The following AGK variants were observed in gnomAD, a reference collection of about 807,000 sequenced individuals.
AGK encodes the protein acylglycerol kinase, mitochondrial.
In AGK, 52 loss-of-function variants were observed where a neutral mutation model predicts 66.4. That is an observed-to-expected ratio of 0.78 (90% confidence interval 0.63 to 0.99). The LOEUF (loss-of-function observed/expected upper bound fraction) is 0.99. Among genes scored for constraint, AGK ranks in the 50% least tolerant of loss-of-function variants. The pLI, the probability that AGK is intolerant of heterozygous loss-of-function variation, is 0.00. For missense variants in AGK, 451 were observed against 506.6 expected (o/e 0.89, Z 1.05); for synonymous variants, 182 against 181.1 (o/e 1.00, Z -0.04).
intron 2 of AGK, among the ~76,000 whole-genome samples, chr7:141,584,852 A>T (rs1475822724): frequency 2.0e-5 from 3 of 152,356 alleles, no homozygotes; most frequent in South Asian, 2.1e-4. Context: ...TCTAAGGGGC[A>T]TTGAAATGAA....
chr7:141,606,294 G>A (rs531767357), intron 5 of AGK, among the ~76,000 whole-genome samples: 10 of 152,210 alleles, frequency 6.6e-5, no homozygotes, highest in African/African-American at 2.2e-4. Flanking sequence ...AAACATTTCC[G>A]GTTTCTTTCC....
chr7:141,633,933 C>G lies in AGK; in HGVS notation c.621C>G (p.Thr207=), dbSNP rs140431258. Residue 207 remains threonine, a synonymous_variant, in exon 10 of 16, where the codon ACC becomes ACG. Transcript: ENST00000649286. The part of the protein sequence containing the change: ...GEKEQPVFAM[T]GLRWGSFRDA... ...AGGAACAGCCTGTATTTGCAATGAC[C>G]GGCCTTCGATGGGGATCTTTCAGAG... 1 of 1,613,924 alleles carries G rather than the reference C, an allele frequency of 6.2e-7. No homozygotes were observed. Among genetic ancestry groups the G allele is most frequent in the South Asian group, 1.1e-5 (1 of 91,070 alleles).
intron 13 of AGK, among the ~76,000 whole-genome samples, chr7:141,644,306 C>T (rs1797356095): frequency 6.6e-6 from 1 of 152,174 alleles, no homozygotes; most frequent in African/African-American, 2.4e-5. Context: ...TAGCCACACT[C>T]ACAATGCCAA....
At chr7:141,601,822 C>A (rs1046383977) in intron 5 of AGK, among the ~76,000 whole-genome samples, 2 of 152,160 alleles carry the variant, frequency 1.3e-5, no homozygotes, top group African/African-American at 4.8e-5. Flanking sequence ...TGGGTAAGTA[C>A]ATACATGTGT....
intron 2 of AGK, 94 bp from the exon 3 acceptor site, chr7:141,593,052 G>C (rs1796156447): frequency 2.0e-6 from 2 of 1,021,828 alleles, no homozygotes; most frequent in East Asian, 2.5e-5. Context: ...TTAGAGAAGA[G>C]GTGCCTATAT....
chr7:141,592,335 T>C (rs953406803), intron 2 of AGK, among the ~76,000 whole-genome samples: 2 of 152,220 alleles, frequency 1.3e-5, no homozygotes, highest in Non-Finnish European at 2.9e-5. Flanking sequence ...CTTGACTCTC[T>C]TCAGAGCCTT....
chr7:141,593,606 G>A (rs1236851329), intron 3 of AGK: 1 of 541,082 alleles, frequency 1.8e-6, no homozygotes, highest in Non-Finnish European at 3.3e-6. Flanking sequence ...TATTTTTAAA[G>A]CTCATCTCCA....
intron 4 of AGK, among the ~76,000 whole-genome samples, chr7:141,600,106 A>G (rs1254936136): frequency 6.6e-6 from 1 of 152,222 alleles, no homozygotes; most frequent in Admixed American, 6.5e-5. Context: ...TCTTGTATAA[A>G]GTATCCTTAA....
chr7:141,642,015 TAGAG>T (rs745693210), intron 13 of AGK, 107 bp downstream of exon 13: 3 of 990,954 alleles, frequency 3.0e-6, no homozygotes, highest in Admixed American at 2.1e-5. Flanking sequence ...CCTGTGGAGA[TAGAG>T]AGGGCAGTGT....
intron 2 of AGK, among the ~76,000 whole-genome samples, chr7:141,573,495 T>C (rs1022388173): frequency 7.2e-5 from 11 of 152,220 alleles, no homozygotes; most frequent in Admixed American, 2.6e-4. Flanking sequence ...TTTATATCAA[T>C]GGTTTTACAC....
intron 2 of AGK, among the ~76,000 whole-genome samples, chr7:141,582,449 G>T (rs999387090): frequency 1.3e-5 from 2 of 151,952 alleles, no homozygotes; most frequent in Non-Finnish European, 1.5e-5. Flanking sequence ...AAGTTCTATT[G>T]TGGGGTTTGA....
chr7:141,610,402 T>G lies in AGK; in HGVS notation c.298-793T>G, dbSNP rs530457379. On this transcript the variant is annotated intron_variant, in intron 5 of 15. Transcript: ENST00000649286. ...TTTCCTATTTTAATATTAGTTGCAT[T>G]ATGTCTATTGAAATTTAGTGTTTGG... Among the ~76,000 whole-genome samples the G allele has an allele frequency of 3.4e-3, 513 of 152,334 alleles. 5 individuals are homozygous for G. The highest frequency in any genetic ancestry group is 0.012 in the African/African-American group (492 of 41,566).
chr7:141,614,124 T>C (rs753824730), intron 6 of AGK, 22 bp from the exon 7 acceptor site: 2 of 1,481,264 alleles, frequency 1.4e-6, no homozygotes, highest in Non-Finnish European at 1.9e-6. Flanking sequence ...TTTATAACAA[T>C]GTTTTATTAT....
At chr7:141,557,296 A>G (rs1453864167) in intron 2 of AGK, among the ~76,000 whole-genome samples, 1 of 152,208 alleles carries the variant, frequency 6.6e-6, no homozygotes, top group East Asian at 1.9e-4. Flanking sequence ...TTCAAATTCC[A>G]TTAGCCAGCA....
At position 141,652,939 on chromosome 7, in the gene AGK, G is replaced by A; in HGVS notation, c.*15G>A. 1.2e-6 allele frequency: 2 copies of A among 1,613,546 alleles called. No homozygotes were observed. The highest frequency in any genetic ancestry group is 1.7e-6 in the Non-Finnish European group (2 of 1,179,892). The stretch of plus-strand genomic sequence containing the variant: ...CCACCCAGTGAGCAGCAGAAGACAA[G>A]CACTCTGAGACCACACTTTAGGCCA... On this transcript the variant is annotated 3_prime_UTR_variant, in exon 16 of 16. Transcript: ENST00000649286.
chr7:141,623,527 G>T (rs1277674234), intron 9 of AGK, among the ~76,000 whole-genome samples: 1 of 152,160 alleles, frequency 6.6e-6, no homozygotes, highest in African/African-American at 2.4e-5. Flanking sequence ...CCAGGGCAAG[G>T]CCCTAACTCT....
chr7:141,643,483 A>G (rs1205303395), intron 13 of AGK, among the ~76,000 whole-genome samples: 2 of 152,206 alleles, frequency 1.3e-5, no homozygotes, highest in Admixed American at 1.3e-4. Context: ...ATTTAAAAAG[A>G]CATTCTAAAC....
chr7:141,642,550 G>A (rs952203315), intron 13 of AGK, among the ~76,000 whole-genome samples: 4 of 152,176 alleles, frequency 2.6e-5, no homozygotes, highest in Non-Finnish European at 5.9e-5. Context: ...CTGTCCGTCA[G>A]TGCAGAAGGT....
chr7:141,624,808 A>G (rs1037638078), intron 9 of AGK, among the ~76,000 whole-genome samples: 1 of 152,242 alleles, frequency 6.6e-6, no homozygotes, highest in Admixed American at 6.5e-5. Context: ...TTGACAAAGC[A>G]TTGGCAGGGA....
Sources: gnomAD v4.1 joint callset for allele counts (sites outside exome capture counted in the v4.1 genomes callset) on GRCh38, gnomAD v4.1.1 for gene constraint, MANE v1.5 for transcripts, NCBI Gene and HGNC (gene_info 2026-07-23, HGNC 2026-07-21) for gene names.